The following KIAA0825 variants were observed in gnomAD, a reference collection of about 807,000 sequenced individuals.
The protein encoded by KIAA0825 is KIAA0825, also known as uncharacterized protein KIAA0825.
A neutral mutation model predicts 147.6 loss-of-function variants in KIAA0825; 119 were observed. The ratio of observed to expected loss-of-function variants is 0.81; its 90% CI spans 0.69 to 0.94. KIAA0825 has a LOEUF of 0.94. KIAA0825 is among the 40% of genes least tolerant of loss of function. The probability of loss-of-function intolerance (pLI) is 0.00; values close to 1 mark genes in which losing one functional copy is unlikely to be tolerated. For missense variants in KIAA0825, 1,381 were observed against 1,472.7 expected (o/e 0.94, Z 1.02); for synonymous variants, 470 against 518.1 (o/e 0.91, Z 1.26).
chr5:94,563,886 A>AT (rs1778058227), intron 2 of KIAA0825, among the ~76,000 whole-genome samples: 2 of 152,024 alleles, frequency 1.3e-5, no homozygotes, highest in African/African-American at 2.4e-5. Flanking sequence ...GGGTTTCACC[A>AT]TGTTGGCAAG....
intron 5 of KIAA0825, among the ~76,000 whole-genome samples, chr5:94,512,147 T>C: frequency 6.6e-6 from 1 of 152,134 alleles, no homozygotes; most frequent in Non-Finnish European, 1.5e-5. Context: ...AAGAATGTTG[T>C]GGTATAGGAA....
At chr5:94,350,636 C>T (rs1584215477) in intron 20 of KIAA0825, among the ~76,000 whole-genome samples, 1 of 152,050 alleles carries the variant, frequency 6.6e-6, no homozygotes, top group African/African-American at 2.4e-5. Context: ...ATACACAAGT[C>T]GATAAATGTG....
At chr5:94,561,064 T>C (rs1315055456) in intron 2 of KIAA0825, among the ~76,000 whole-genome samples, 2 of 152,184 alleles carry the variant, frequency 1.3e-5, no homozygotes, top group African/African-American at 4.8e-5. Context: ...ATTACTGCAT[T>C]AACTTTCAGC....
rs141068045 is a variant in KIAA0825 at position 94,307,642 on chromosome 5, T to G, written c.3710+76726A>C. Among the ~76,000 whole-genome samples the G allele has an allele frequency of 1.7e-4, 26 of 151,822 alleles. No individual in the cohort carries two copies. The South Asian group carries it at 2.3e-3, about 13-fold the overall frequency. On this transcript the variant is annotated intron_variant, in intron 20 of 20. Transcript: ENST00000682413. ...CTACACTAACAACTATCCCTGTAAA[T>G]CTTCACCCATCTAGATGAAGTTTCT...
chr5:94,255,487 G>A (rs1164584276), intron 20 of KIAA0825, among the ~76,000 whole-genome samples: 1 of 151,964 alleles, frequency 6.6e-6, no homozygotes, highest in Admixed American at 6.6e-5. Context: ...GTGCAACCCT[G>A]CACCACGCCA....
At chr5:94,548,303 C>T (rs1249364283) in intron 2 of KIAA0825, among the ~76,000 whole-genome samples, 2 of 152,104 alleles carry the variant, frequency 1.3e-5, no homozygotes, top group African/African-American at 4.8e-5. Flanking sequence ...TTTCTTTTTG[C>T]TTGCTTATTT....
intron 14 of KIAA0825, among the ~76,000 whole-genome samples, chr5:94,426,542 G>A (rs552101863): frequency 6.6e-6 from 1 of 152,278 alleles, no homozygotes; most frequent in South Asian, 2.1e-4. Context: ...ATAGAAACCA[G>A]AGGCTTGGAA....
chr5:94,349,562 A>C (rs1208273094), intron 20 of KIAA0825, among the ~76,000 whole-genome samples: 5 of 152,218 alleles, frequency 3.3e-5, no homozygotes. Context: ...AATTTAAGAA[A>C]ATTGAAATCA....
chr5:94,442,166 G>A (rs1260780986), intron 13 of KIAA0825, among the ~76,000 whole-genome samples: 7 of 152,152 alleles, frequency 4.6e-5, no homozygotes, highest in Admixed American at 2.6e-4. Context: ...TTAAACAAAA[G>A]TGAGAAGATT....
intron 20 of KIAA0825, among the ~76,000 whole-genome samples, chr5:94,277,167 A>G (rs1231466036): frequency 6.6e-6 from 1 of 152,070 alleles, no homozygotes; most frequent in African/African-American, 2.4e-5. Context: ...ATTGTTCACA[A>G]CCCAGGCGAG....
intron 3 of KIAA0825, among the ~76,000 whole-genome samples, chr5:94,531,326 T>C (rs948621129): frequency 6.6e-6 from 1 of 151,958 alleles, no homozygotes; most frequent in Non-Finnish European, 1.5e-5. Context: ...ATCAAAATAA[T>C]AGAACTAATA....
chr5:94,248,013 C>A (rs1775718261), intron 20 of KIAA0825, among the ~76,000 whole-genome samples: 1 of 151,978 alleles, frequency 6.6e-6, no homozygotes. Context: ...TCACTACTAA[C>A]TCAAAAAATG....
intron 17 of KIAA0825, among the ~76,000 whole-genome samples, chr5:94,394,046 TTCA>T (rs1474388617): frequency 6.6e-6 from 1 of 151,754 alleles, no homozygotes; most frequent in African/African-American, 2.4e-5. Flanking sequence ...GAGACGGGGT[TTCA>T]TCATATCAGT....
intron 20 of KIAA0825, among the ~76,000 whole-genome samples, chr5:94,253,440 T>G (rs906719857): frequency 2.5e-4 from 38 of 152,270 alleles, no homozygotes; most frequent in African/African-American, 9.1e-4. Context: ...GACGCAGTAT[T>G]CATAACTAGA....
intron 20 of KIAA0825, among the ~76,000 whole-genome samples, chr5:94,255,188 A>G (rs1028612740): frequency 1.3e-5 from 2 of 151,470 alleles, no homozygotes; most frequent in African/African-American, 4.9e-5. Flanking sequence ...AGAAAAATAT[A>G]TGACTGTGGA....
intron 2 of KIAA0825, among the ~76,000 whole-genome samples, chr5:94,543,433 A>G (rs989782786): frequency 3.3e-5 from 5 of 152,132 alleles, no homozygotes; most frequent in Non-Finnish European, 7.4e-5. Flanking sequence ...ACAGAGTGAG[A>G]CTCTGTCTCA....
At chr5:94,384,634 C>G (rs181002766) in intron 19 of KIAA0825, among the ~76,000 whole-genome samples, 176 bp from the exon 20 acceptor site, 1 of 152,078 alleles carries the variant, frequency 6.6e-6, no homozygotes, top group South Asian at 2.1e-4. Flanking sequence ...TCCAATAAGA[C>G]GGCAATTAAT....
intron 1 of KIAA0825, among the ~76,000 whole-genome samples, chr5:94,612,196 G>A (rs1231796819): frequency 9.2e-5 from 14 of 152,158 alleles, no homozygotes; most frequent in Admixed American, 9.2e-4. Flanking sequence ...ATGTCTGGCA[G>A]TAGGGATTAT....
At chr5:94,165,044 A>G (rs1030282356) in intron 20 of KIAA0825, among the ~76,000 whole-genome samples, 1 of 152,212 alleles carries the variant, frequency 6.6e-6, no homozygotes, top group Non-Finnish European at 1.5e-5. Flanking sequence ...TCTGGACAGC[A>G]AAGGATACAA....
Sources: allele counts gnomAD v4.1 joint callset (sites outside exome capture counted in the v4.1 genomes callset), GRCh38; gene constraint gnomAD v4.1.1; transcripts MANE v1.5; gene names NCBI Gene and HGNC (gene_info 2026-07-23, HGNC 2026-07-21).